The following ABCC2 variants were observed in gnomAD, a reference collection of about 807,000 sequenced individuals.
ABCC2 encodes the protein ATP binding cassette subfamily C member 2.
Under a neutral mutation model 173.4 loss-of-function variants are expected in ABCC2, and 157 were observed. That is an observed-to-expected ratio of 0.91 (90% CI 0.80 to 1.03). The LOEUF is 1.03. ABCC2 is among the 50% of genes least tolerant of loss of function. The pLI, the probability that ABCC2 is intolerant of heterozygous loss-of-function variation, is 0.00. For synonymous variants in ABCC2, 657 were observed against 693.5 expected, an observed-to-expected ratio of 0.95 and a Z score of 0.83; for missense variants, 1,822 against 1,852.3, an observed-to-expected ratio of 0.98 and a Z score of 0.30.
chr10:99,804,365 C>G, intron 10 of ABCC2, 92 bp downstream of exon 10: 2 of 1,544,524 alleles, frequency 1.3e-6, no homozygotes, highest in Non-Finnish European at 1.8e-6. Context: ...GGAGTTTGGG[C>G]AAGGCAAAGC....
chr10:99,784,912 G>T (rs1166905592), intron 2 of ABCC2, 131 bp downstream of exon 2: 11 of 1,169,126 alleles, frequency 9.4e-6, no homozygotes, highest in Non-Finnish European at 9.8e-6. Flanking sequence ...GTAGAGCCAG[G>T]CTCAAGGTTT....
intron 24 of ABCC2, among the ~76,000 whole-genome samples, chr10:99,835,106 G>A (rs1490978412): frequency 6.6e-6 from 1 of 152,188 alleles, no homozygotes; most frequent in Non-Finnish European, 1.5e-5. Flanking sequence ...CGAGTGGAAG[G>A]AACCCTATTC....
chr10:99,832,022 T>C lies in ABCC2; in HGVS notation c.3149T>C (p.Val1050Ala), dbSNP rs199961748. The change falls in exon 23 of 32, where the codon GTC becomes GCC. Residue 1050 changes from valine (V) to alanine (A), a missense_variant. By Grantham distance (64) the Val-to-Ala change is moderately conservative. Transcript: ENST00000647814. ...IAHFWSAFGFVHASNILHKQL... is the reference protein window; with the variant it reads ...IAHFWSAFGFAHASNILHKQL... ...CATTTCTGGAGTGCCTTTGGTTTCG[T>C]CCATGCATCAAATATCTTGCACAAG... The C allele has an allele frequency of 7.2e-5, 117 of 1,614,214 alleles. No homozygotes were observed. The highest frequency in any genetic ancestry group is 9.9e-5 in the Non-Finnish European group (117 of 1,180,034).
At position 99,834,491 on chromosome 10, in the gene ABCC2, A is replaced by C; in HGVS notation, c.3370A>C (p.Thr1124Pro). The change falls in exon 24 of 32, where the codon ACC becomes CCC. Residue 1124 changes from threonine (T) to proline (P), a missense_variant. By Grantham distance (38) the Thr-to-Pro change is conservative (BLOSUM62 -1). Transcript: ENST00000647814. ...GATCTGCATGGCCACTCCTGTCTTC[A>C]CCATCATCGTCATTCCTCTTGGCAT... The part of the protein sequence containing the change: ...VMICMATPVF[T>P]IIVIPLGIIY... 6.2e-7 allele frequency: 1 copy of C among 1,614,170 alleles called. No homozygotes were observed. The highest frequency in any genetic ancestry group is 8.5e-7 in the Non-Finnish European group (1 of 1,180,034).
chr10:99,793,848 T>G (rs772130569), intron 4 of ABCC2, 44 bp from the exon 5 acceptor site: 3 of 1,587,050 alleles, frequency 1.9e-6, no homozygotes, highest in African/African-American at 1.3e-5. Context: ...TAGACTTCCT[T>G]TGGACAAAAG....
chr10:99,828,130 T>C (rs943840629), intron 19 of ABCC2, among the ~76,000 whole-genome samples: 1 of 151,180 alleles, frequency 6.6e-6, no homozygotes, highest in Admixed American at 6.6e-5. Context: ...AACATTTTTT[T>C]CTGATTAGCC....
intron 12 of ABCC2, 108 bp downstream of exon 12, chr10:99,807,629 G>A (rs577723261): frequency 4.3e-5 from 64 of 1,496,572 alleles, no homozygotes; most frequent in East Asian, 2.1e-4. Context: ...AGGCCTGACC[G>A]CAAGATCCAG....
At chr10:99,783,770 G>A (rs2037658406) in intron 1 of ABCC2, among the ~76,000 whole-genome samples, 1 of 152,140 alleles carries the variant, frequency 6.6e-6, no homozygotes, top group African/African-American at 2.4e-5. Flanking sequence ...GGCCAGGAGT[G>A]TATACCACGG....
chr10:99,841,086 G>A (rs2038936011), intron 25 of ABCC2, among the ~76,000 whole-genome samples: 1 of 152,082 alleles, frequency 6.6e-6, no homozygotes, highest in Admixed American at 6.5e-5. Context: ...TGGCCAACTT[G>A]CACCTAACTT....
chr10:99,793,386 G>T (rs565824416), intron 3 of ABCC2, among the ~76,000 whole-genome samples, 165 bp from the exon 4 acceptor site: 3 of 152,296 alleles, frequency 2.0e-5, no homozygotes, highest in South Asian at 4.1e-4. Context: ...TGGCATGGGG[G>T]TGACATGTTC....
chr10:99,811,716 G>A (rs879192006), intron 15 of ABCC2, 114 bp downstream of exon 15: 180 of 1,207,274 alleles, frequency 1.5e-4, no homozygotes, highest in East Asian at 6.7e-4. Flanking sequence ...GCATGTCTTC[G>A]GTTAGATACT....
rs762255339 is a variant in ABCC2 at position 99,850,552 on chromosome 10, C to G, written c.4314-50C>G. ...TGAAAATGGTCCCCCTGCCCTGCGT[C>G]TTTCCTTGGTCTTTAGGAGCTAACA... On this transcript the variant is annotated intron_variant, in intron 30 of 31. Transcript: ENST00000647814. 3.1e-6 allele frequency: 5 copies of G among 1,594,002 alleles called. No homozygotes were observed. In the South Asian group the frequency reaches 5.6e-5, roughly 18 times the overall value.
chr10:99,832,826 C>T (rs144518935), intron 23 of ABCC2, among the ~76,000 whole-genome samples: 3 of 152,200 alleles, frequency 2.0e-5, no homozygotes, highest in Non-Finnish European at 4.4e-5. Flanking sequence ...ATTCAACAAC[C>T]GTTATTGAGC....
At chr10:99,850,057 C>A (rs1450538153) in intron 30 of ABCC2, among the ~76,000 whole-genome samples, 1 of 152,166 alleles carries the variant, frequency 6.6e-6, no homozygotes, top group Non-Finnish European at 1.5e-5. Context: ...AGGCCTTGAA[C>A]AAATAATTAG....
Position 99,828,402 on chromosome 10 carries a change from T to A in ABCC2, c.2621-1905T>A, listed in dbSNP as rs181556169. 3.8e-3 allele frequency among the ~76,000 whole-genome samples: 585 copies of A among 152,262 alleles called. 3 individuals carry two copies. The highest frequency in any genetic ancestry group is 3.3e-3 in the Admixed American group (50 of 15,290). ...AGATTGGTTCTGTGTATGAGTTTCCTAATTAGCTGCCTTAACAACACATCA... is the reference window on the plus strand; with the variant it reads ...AGATTGGTTCTGTGTATGAGTTTCCAAATTAGCTGCCTTAACAACACATCA... On this transcript the variant is annotated intron_variant, in intron 19 of 31. Transcript: ENST00000647814.
At chr10:99,816,840 T>A (rs1256565649) in intron 16 of ABCC2, among the ~76,000 whole-genome samples, 1 of 152,126 alleles carries the variant, frequency 6.6e-6, no homozygotes, top group Non-Finnish European at 1.5e-5. Flanking sequence ...TGCCTGATGA[T>A]CTGAGGTGGA....
rs1407889404 is a variant in ABCC2, at chr10:99,782,879, T to C, written c.33+2T>C. On this transcript the variant is annotated splice_donor_variant, in intron 1 of 31. Coordinates refer to ENST00000647814, the MANE Select transcript of ABCC2 (RefSeq NM_000392.5). LOFTEE classifies it high-confidence loss of function. ...AAGTTCTGCAACTCTACTTTTTGGG[T>C]GAGAAATTACATTTATCTTCATATT... 3 of 1,613,896 alleles carry C rather than the reference T, an allele frequency of 1.9e-6. No individual in the cohort carries two copies. In the Admixed American group the frequency reaches 5.0e-5, roughly 27 times the overall value.
chr10:99,845,804 G>C, intron 29 of ABCC2, 22 bp downstream of exon 29: 1 of 1,601,088 alleles, frequency 6.2e-7, no homozygotes, highest in Non-Finnish European at 8.5e-7. Context: ...AACTTACTCG[G>C]GCACATGCCG....
At chr10:99,791,565 C>T (rs771404213) in intron 2 of ABCC2, among the ~76,000 whole-genome samples, 3 of 152,202 alleles carry the variant, frequency 2.0e-5, no homozygotes, top group Non-Finnish European at 4.4e-5. Context: ...TTGGGAGCAG[C>T]TTACCCAGGT....
Sources: allele counts gnomAD v4.1 joint callset (sites outside exome capture counted in the v4.1 genomes callset), GRCh38; gene constraint gnomAD v4.1.1; transcripts MANE v1.5; gene names NCBI Gene and HGNC (gene_info 2026-07-23, HGNC 2026-07-21).